Variants in CNTNAP2 observed in about 807,000 individuals in gnomAD.
CNTNAP2 encodes the protein contactin-associated protein-like 2.
A neutral mutation model predicts 155.2 loss-of-function variants in CNTNAP2; 98 were observed. That is an observed-to-expected ratio of 0.63 (90% CI 0.54 to 0.75). CNTNAP2 has a LOEUF of 0.75. CNTNAP2 is among the 30% of genes least tolerant of loss of function. The pLI is 0.00. For missense variants in CNTNAP2, 1,727 were observed against 1,688.1 expected (o/e 1.02, Z -0.40); for synonymous variants, 651 against 631.2 (o/e 1.03, Z -0.47).
intron 13 of CNTNAP2, among the ~76,000 whole-genome samples, chr7:147,874,277 G>A (rs1298497704): frequency 6.6e-6 from 1 of 152,244 alleles, no homozygotes; most frequent in Non-Finnish European, 1.5e-5. Context: ...ACCTAGGAGA[G>A]GTTCTCCATG....
At chr7:147,524,213 T>G (rs772419381) in intron 11 of CNTNAP2, among the ~76,000 whole-genome samples, 3 of 152,188 alleles carry the variant, frequency 2.0e-5, no homozygotes, top group Non-Finnish European at 4.4e-5. Flanking sequence ...ATATGCCCAC[T>G]GCTTTGTTCA....
intron 1 of CNTNAP2, among the ~76,000 whole-genome samples, chr7:146,573,709 G>A (rs1467689475): frequency 2.0e-5 from 3 of 152,302 alleles, no homozygotes; most frequent in African/African-American, 7.2e-5. Context: ...GCTTGCAACA[G>A]CACAGTGTGA....
intron 4 of CNTNAP2, among the ~76,000 whole-genome samples, chr7:147,082,332 G>A (rs1245866846): frequency 6.6e-6 from 1 of 152,166 alleles, no homozygotes; most frequent in Non-Finnish European, 1.5e-5. Flanking sequence ...AACTGAGGCT[G>A]AGATTCACTT....
At chr7:147,651,943 C>T (rs1248409148) in intron 13 of CNTNAP2, among the ~76,000 whole-genome samples, 2 of 152,118 alleles carry the variant, frequency 1.3e-5, no homozygotes, top group African/African-American at 2.4e-5. Flanking sequence ...ATCAACATTC[C>T]TCTGCAATGT....
chr7:147,358,755 A>G (rs1796101760), intron 9 of CNTNAP2, among the ~76,000 whole-genome samples: 1 of 152,128 alleles, frequency 6.6e-6, no homozygotes, highest in African/African-American at 2.4e-5. Flanking sequence ...TAGTTATTAT[A>G]ATAATGTTGC....
chr7:146,834,563 T>G (rs2129199381), intron 2 of CNTNAP2, among the ~76,000 whole-genome samples: 1 of 152,232 alleles, frequency 6.6e-6, no homozygotes, highest in African/African-American at 2.4e-5. Flanking sequence ...AGAAGGGGAA[T>G]GAAGAAACAG....
chr7:147,213,991 C>T lies in CNTNAP2; in HGVS notation c.1348+81482C>T, dbSNP rs138014663. Among the ~76,000 whole-genome samples, 191 of 152,226 alleles carry T rather than the reference C, an allele frequency of 1.3e-3. 2 individuals carry two copies. The highest frequency in any genetic ancestry group is 4.4e-3 in the African/African-American group (182 of 41,548). ...GATGATTGAATGGTGCCCAGACACA[C>T]TGAGGGCAGATCTTCCCCACTTAGT... On this transcript the variant is annotated intron_variant, in intron 8 of 23. Transcript: ENST00000361727.
rs554100555 is a variant in CNTNAP2 at position 146,938,106 on chromosome 7, A to T, written c.402+98202A>T. On this transcript the variant is annotated intron_variant, in intron 3 of 23. Transcript: ENST00000361727. ...AAGAGGTAGTTAATCTATAACAAAG[A>T]TAAGTGAATTGAAGGGGTAAGATGT... Among the ~76,000 whole-genome samples, 88 of 152,276 alleles carry T rather than the reference A, an allele frequency of 5.8e-4. No homozygotes were observed. In the South Asian group the frequency reaches 0.018, roughly 30 times the overall value.
chr7:146,198,299 A>T (rs1331503520), intron 1 of CNTNAP2, among the ~76,000 whole-genome samples: 2 of 152,192 alleles, frequency 1.3e-5, no homozygotes, highest in African/African-American at 2.4e-5. Flanking sequence ...CTAAAATGTC[A>T]ATTATAAATT....
intron 13 of CNTNAP2, among the ~76,000 whole-genome samples, chr7:147,774,977 A>G (rs936545083): frequency 6.6e-5 from 10 of 151,828 alleles, no homozygotes; most frequent in African/African-American, 2.2e-4. Flanking sequence ...TGCTTTCTCT[A>G]CTTACTATGC....
chr7:146,695,617 G>C (rs1800769457), intron 1 of CNTNAP2, among the ~76,000 whole-genome samples: 1 of 151,826 alleles, frequency 6.6e-6, no homozygotes, highest in Non-Finnish European at 1.5e-5. Context: ...TGTAGAGAAG[G>C]GGTTTCCTCG....
chr7:146,572,454 T>C (rs1202441257), intron 1 of CNTNAP2, among the ~76,000 whole-genome samples: 1 of 152,134 alleles, frequency 6.6e-6, no homozygotes, highest in Non-Finnish European at 1.5e-5. Context: ...TTACTTGATC[T>C]TTCATAATGG....
At chr7:147,669,882 A>G (rs2116964319) in intron 13 of CNTNAP2, among the ~76,000 whole-genome samples, 1 of 152,278 alleles carries the variant, frequency 6.6e-6, no homozygotes, top group Admixed American at 6.5e-5. Context: ...CATCCTAAGC[A>G]CAAACATTTC....
intron 13 of CNTNAP2, among the ~76,000 whole-genome samples, chr7:147,866,531 CCATT>C (rs1159028760): frequency 6.6e-6 from 1 of 152,104 alleles, no homozygotes; most frequent in East Asian, 1.9e-4. Context: ...TTAAAGTCTC[CCATT>C]ATTATTGTGT....
At chr7:146,692,089 T>C (rs1053035291) in intron 1 of CNTNAP2, among the ~76,000 whole-genome samples, 1 of 152,078 alleles carries the variant, frequency 6.6e-6, no homozygotes, top group Admixed American at 6.6e-5. Flanking sequence ...GTCTTTCAGG[T>C]TCCTGGAAAT....
At chr7:146,138,537 G>T (rs1797830541) in intron 1 of CNTNAP2, among the ~76,000 whole-genome samples, 1 of 151,964 alleles carries the variant, frequency 6.6e-6, no homozygotes, top group Non-Finnish European at 1.5e-5. Context: ...CAAGTATTAG[G>T]GACATTTCAT....
intron 1 of CNTNAP2, among the ~76,000 whole-genome samples, chr7:146,584,680 C>T (rs1403323538): frequency 1.3e-5 from 2 of 152,138 alleles, no homozygotes; most frequent in Non-Finnish European, 2.9e-5. Context: ...CTTCCAGAAG[C>T]CGGCCCTGCC....
intron 3 of CNTNAP2, among the ~76,000 whole-genome samples, chr7:146,926,369 T>C (rs999907899): frequency 6.6e-6 from 1 of 152,146 alleles, no homozygotes; most frequent in Non-Finnish European, 1.5e-5. Context: ...GTCAGTACTT[T>C]GTGTAGAAAA....
chr7:147,412,192 A>T (rs149287318), intron 10 of CNTNAP2, among the ~76,000 whole-genome samples: 74 of 152,252 alleles, frequency 4.9e-4, no homozygotes, highest in South Asian at 3.1e-3. Context: ...CCTTAAAAGC[A>T]GTGTATTAGC....
Sources: allele counts gnomAD v4.1 joint callset (sites outside exome capture counted in the v4.1 genomes callset), GRCh38; gene constraint gnomAD v4.1.1; transcripts MANE v1.5; gene names NCBI Gene and HGNC (gene_info 2026-07-23, HGNC 2026-07-21).